Variants in EPB41L1 observed in about 807,000 individuals in gnomAD.
EPB41L1 encodes band 4.1-like protein 1.
In EPB41L1, 29 loss-of-function variants were observed where a neutral mutation model predicts 97.8. That is an observed-to-expected ratio of 0.30 (90% CI 0.22 to 0.40). The LOEUF is 0.40. Among genes scored for constraint, EPB41L1 ranks in the 10% least tolerant of loss-of-function variants. The pLI, the probability that EPB41L1 is intolerant of heterozygous loss-of-function variation, is 1.00. For synonymous variants in EPB41L1, 383 were observed against 459.2 expected (o/e 0.83, Z 2.12); for missense variants, 812 against 1,162.3 (o/e 0.70, Z 4.38).
chr20:36,115,051 T>A (rs983889628), intron 2 of EPB41L1, among the ~76,000 whole-genome samples: 19 of 152,248 alleles, frequency 1.2e-4, no homozygotes, highest in Admixed American at 9.8e-4. Flanking sequence ...TAACAATAGC[T>A]AATGTGCATT....
chr20:36,187,821 AGGCCTTTCCCTAG>A, intron 8 of EPB41L1, 58 bp downstream of exon 8: 1 of 1,507,536 alleles, frequency 6.6e-7, no homozygotes, highest in South Asian at 1.2e-5. Flanking sequence ...AAGAACTATC[AGGCCTTTCCCTAG>A]GGCGTGGTGT....
chr20:36,149,796 G>A (rs1186238034), upstream of EPB41L1: 1 of 152,474 alleles, frequency 6.6e-6, no homozygotes, highest in Non-Finnish European at 1.5e-5. Flanking sequence ...CTCTTGTCCT[G>A]GAACACCCTC....
intron 1 of EPB41L1, among the ~76,000 whole-genome samples, chr20:36,170,476 T>C (rs2060940704): frequency 6.6e-6 from 1 of 152,240 alleles, no homozygotes; most frequent in African/African-American, 2.4e-5. Flanking sequence ...ACTCAAATCT[T>C]TTCCATGATT....
rs1244369003 is a variant in EPB41L1, at chr20:36,195,538, G to A, written c.1485+174G>A. ...GTCCTTGCTCCCCACTCCGCCACCC[G>A]CTAAGCTTCTCTCTCCAGCTCCCTT... On this transcript the variant is annotated intron_variant, in intron 13 of 21. Transcript: ENST00000338074. The surrounding 1 kb of genome is among the most constrained non-coding windows in gnomAD (Gnocchi z 4.6). 2.0e-5 allele frequency among the ~76,000 whole-genome samples: 3 copies of A among 151,812 alleles called. No individual in the cohort carries two copies. The highest frequency in any genetic ancestry group is 6.6e-5 in the Admixed American group (1 of 15,240).
At chr20:36,098,830 G>C (rs1422375710) in intron 1 of EPB41L1, among the ~76,000 whole-genome samples, 2 of 152,096 alleles carry the variant, frequency 1.3e-5, no homozygotes, top group Non-Finnish European at 2.9e-5. Context: ...CTATGAAATG[G>C]AGACAGTAGG....
At chr20:36,194,845 C>T (rs2062116414) in intron 12 of EPB41L1, among the ~76,000 whole-genome samples, 2 of 152,168 alleles carry the variant, frequency 1.3e-5, no homozygotes, top group Admixed American at 6.5e-5. Context: ...TGCATGACCT[C>T]AGCCTCACAC....
chr20:36,118,895 G>A (rs2147653499), intron 2 of EPB41L1, among the ~76,000 whole-genome samples: 1 of 152,272 alleles, frequency 6.6e-6, no homozygotes, highest in African/African-American at 2.4e-5. Context: ...CCATTTAACA[G>A]ATAAAGAAAC....
chr20:36,099,468 A>T (rs188205460), intron 1 of EPB41L1, among the ~76,000 whole-genome samples: 1 of 152,316 alleles, frequency 6.6e-6, no homozygotes, highest in African/African-American at 2.4e-5. Context: ...TAAATTGCTT[A>T]AGGGCTTGTA....
At chr20:36,214,754 A>G (rs1043232017) in intron 17 of EPB41L1, among the ~76,000 whole-genome samples, 1 of 151,854 alleles carries the variant, frequency 6.6e-6, no homozygotes, top group Non-Finnish European at 1.5e-5. Flanking sequence ...CACGAATCTC[A>G]TCTTGCATTG....
At position 36,206,077 on chromosome 20, in the gene EPB41L1, A is replaced by C. The variant is rs1468828996; in HGVS notation, c.1669-3411A>C. ...AGCAAACACCCAGCAACAAGGAAAA[A>C]TGATTGCAAGTCCTGAAGACTTTGA... On this transcript the variant is annotated intron_variant, in intron 14 of 21. Transcript: ENST00000338074. This position sits in a 1 kb window ranked among gnomAD's most constrained non-coding sequence, Gnocchi z 5.5. 1.7e-5 allele frequency: 22 copies of C among 1,289,780 alleles called. No homozygotes were observed. The Admixed American group carries it at 4.8e-4, about 28-fold the overall frequency. The allele number at this position is 1,289,780 out of a possible 1,614,324, so 79.9% of individuals were successfully genotyped here.
chr20:36,196,377 T>C (rs960548639), intron 13 of EPB41L1, among the ~76,000 whole-genome samples: 56 of 152,256 alleles, frequency 3.7e-4, no homozygotes, highest in African/African-American at 1.3e-3. Flanking sequence ...ACGGAGGCAG[T>C]GGGGCAGGTT....
At position 36,212,476 on chromosome 20, in the gene EPB41L1, C is replaced by T. The variant is rs765933922; in HGVS notation, c.2184+100C>T. ...AAACCCCTTGGCCAGCTCTTTTAATCTCAGCTTCCCTGGAACCCATATGTT... is the reference window on the plus strand; with the variant it reads ...AAACCCCTTGGCCAGCTCTTTTAATTTCAGCTTCCCTGGAACCCATATGTT... On this transcript the variant is annotated intron_variant, in intron 16 of 21. Coordinates refer to ENST00000338074, the MANE Select transcript of EPB41L1 (RefSeq NM_012156.2). This position sits in a 1 kb window ranked among gnomAD's most constrained non-coding sequence, Gnocchi z 4.8. The T allele has an allele frequency of 2.1e-5, 20 of 951,178 alleles. No individual in the cohort carries two copies. Among genetic ancestry groups the T allele is most frequent in the Non-Finnish European group, 3.0e-5 (18 of 600,824 alleles). The allele number at this position is 951,178 out of a possible 1,614,324, so 58.9% of individuals were successfully genotyped here.
chr20:36,099,357 T>C (rs1484794333), intron 1 of EPB41L1, among the ~76,000 whole-genome samples: 1 of 152,174 alleles, frequency 6.6e-6, no homozygotes, highest in African/African-American at 2.4e-5. Context: ...AGTCACCTAA[T>C]CTTGCTTTAC....
intron 13 of EPB41L1, among the ~76,000 whole-genome samples, chr20:36,196,023 A>G (rs1345276103): frequency 2.6e-5 from 4 of 152,080 alleles, no homozygotes; most frequent in Non-Finnish European, 5.9e-5. Flanking sequence ...TGCTTCCCCC[A>G]AATTATTCCT....
Position 36,195,255 on chromosome 20 carries a change from C to A in EPB41L1, c.1450-74C>A. 1 of 1,586,630 alleles carries A rather than the reference C, an allele frequency of 6.3e-7. No individual in the cohort carries two copies. The highest frequency in any genetic ancestry group is 1.1e-5 in the South Asian group (1 of 90,296). ...GCTCTGGGCTCCTTGCTGGACCAAG[C>A]CCATCGTGGTATCTCTAATCCATCT... On this transcript the variant is annotated intron_variant, in intron 12 of 21. Coordinates refer to ENST00000338074, the MANE Select transcript of EPB41L1 (RefSeq NM_012156.2). The surrounding 1 kb of genome is among the most constrained non-coding windows in gnomAD (Gnocchi z 4.6).
intron 11 of EPB41L1, among the ~76,000 whole-genome samples, chr20:36,192,306 G>A (rs1469639264): frequency 2.6e-5 from 4 of 152,142 alleles, no homozygotes; most frequent in African/African-American, 9.6e-5. Context: ...GCCAAGGCAG[G>A]TGGATCACGA....
At chr20:36,139,723 CTTATTA>C (rs968932659) in intron 2 of EPB41L1, among the ~76,000 whole-genome samples, 1 of 150,016 alleles carries the variant, frequency 6.7e-6, no homozygotes, top group Non-Finnish European at 1.5e-5. Flanking sequence ...GTGCTTTCTT[CTTATTA>C]TTATTTATTT....
upstream of EPB41L1, chr20:36,153,216 G>A (rs192116443): frequency 2.2e-3 from 874 of 392,770 alleles, 3 homozygotes; most frequent in Middle Eastern, 0.018. Flanking sequence ...GGAGGCCCTA[G>A]AGTGCCTATG....
chr20:36,174,826 A>G (rs2061155946), intron 2 of EPB41L1, among the ~76,000 whole-genome samples: 1 of 152,236 alleles, frequency 6.6e-6, no homozygotes, highest in Non-Finnish European at 1.5e-5. Flanking sequence ...TGAGTTATCC[A>G]AAGTCACATT....
Sources: allele counts gnomAD v4.1 joint callset (sites outside exome capture counted in the v4.1 genomes callset), GRCh38; gene constraint gnomAD v4.1.1; non-coding constraint Gnocchi (gnomAD v3.1); transcripts MANE v1.5; gene names NCBI Gene and HGNC (gene_info 2026-07-23, HGNC 2026-07-21).